Variants in EMCN observed in about 807,000 individuals in gnomAD.
EMCN encodes endomucin.
EMCN carries 37 observed loss-of-function variants against 38.4 expected under a neutral mutation model. The observed-to-expected ratio is 0.96, with a 90% CI of 0.74 to 1.27. EMCN has a LOEUF of 1.27. Ranked by LOEUF, EMCN falls within the 50% of genes most tolerant of loss-of-function variation. The pLI is 0.00. For missense variants in EMCN, 318 were observed against 302.8 expected (o/e 1.05, Z -0.37); for synonymous variants, 95 against 100.8 (o/e 0.94, Z 0.35).
intron 11 of EMCN, among the ~76,000 whole-genome samples, chr4:100,406,911 A>G (rs1051197260): frequency 2.6e-5 from 4 of 152,132 alleles, no homozygotes; most frequent in Admixed American, 2.0e-4. Flanking sequence ...CAGGTGCTGT[A>G]GTATTGGGTG....
At position 100,415,937 on chromosome 4, in the gene EMCN, C is replaced by T. The variant is rs368504697; in HGVS notation, c.712G>A (p.Val238Met). 39 of 1,589,442 alleles carry T rather than the reference C, an allele frequency of 2.5e-5. No individual in the cohort carries two copies. Among genetic ancestry groups the T allele is most frequent in the South Asian group, 5.8e-5 (5 of 85,944 alleles). ...NDQPQSDKES[V>M]KLLTVKTISH... Reference sequence around the variant, plus strand: ...ATTGTCTTAACGGTAAGAAGCTTCACGCTCTCTTTATCAGACTGAGGTCTA... The same window carrying T: ...ATTGTCTTAACGGTAAGAAGCTTCATGCTCTCTTTATCAGACTGAGGTCTA... The change falls in exon 10 of 12, where the codon GTG becomes ATG. Residue 238 changes from valine to methionine, a missense_variant. Transcript: ENST00000296420.
rs1726107276 is a variant in EMCN at position 100,395,907 on chromosome 4, C to T, written c.*2506G>A. The T allele has an allele frequency of 6.6e-6, 1 of 152,082 alleles. No individual in the cohort carries two copies. The highest frequency in any genetic ancestry group is 1.5e-5 in the Non-Finnish European group (1 of 68,008). The allele number at this position is 152,082 out of a possible 1,614,324, so 9.4% of individuals were successfully genotyped here. ...TGTTTATGTTTTGACTATTGATAGA[C>T]TTAAATTATATTCATATTATTATGC... On this transcript the variant is annotated 3_prime_UTR_variant, in exon 12 of 12. Coordinates refer to ENST00000296420, the MANE Select transcript of EMCN (RefSeq NM_016242.4).
At chr4:100,447,381 A>G in intron 5 of EMCN, 152 bp downstream of exon 5, 2 of 610,052 alleles carry the variant, frequency 3.3e-6, no homozygotes, top group Non-Finnish European at 5.7e-6. Context: ...GCATTTTTTT[A>G]AACTCAAGTT....
In EMCN at chr4:100,421,367, C is replaced by CA. The variant is rs1172667145; in HGVS notation, c.578dup (p.Leu193PhefsTer37). 6.2e-7 allele frequency: 1 copy of CA among 1,611,724 alleles called. No individual in the cohort carries two copies. The highest frequency in any genetic ancestry group is 8.5e-7 in the Non-Finnish European group (1 of 1,178,338). ...TTACAATCAAAGCAATAACCACCGG[C>CA]AAAATAATACCTAAAAAGAATTGGA... is the stretch of plus-strand genomic sequence containing the variant. On this transcript the variant is annotated frameshift_variant, in exon 8 of 12. Coordinates refer to ENST00000296420, the MANE Select transcript of EMCN (RefSeq NM_016242.4). LOFTEE classifies it high-confidence loss of function.
At chr4:100,469,717 T>C (rs1728421711) in intron 3 of EMCN, among the ~76,000 whole-genome samples, 1 of 152,066 alleles carries the variant, frequency 6.6e-6, no homozygotes, top group African/African-American at 2.4e-5. Context: ...TTTTGGCAGC[T>C]TTGTTGAAGA....
rs1171198619 is a variant in EMCN, at chr4:100,469,627, C to A, written c.260-4088G>T. 4.6e-5 allele frequency among the ~76,000 whole-genome samples: 7 copies of A among 150,950 alleles called. 1 individual carries two copies. The highest frequency in any genetic ancestry group is 1.5e-4 in the African/African-American group (6 of 41,312). On this transcript the variant is annotated intron_variant, in intron 3 of 11. Coordinates refer to ENST00000296420, the MANE Select transcript of EMCN (RefSeq NM_016242.4). ...TTGAATATGGTGTAAAGAAGGGGTA[C>A]AGTTTTAATCTTCTGCATATGGCTA... is the stretch of plus-strand genomic sequence containing the variant.
intron 1 of EMCN, among the ~76,000 whole-genome samples, chr4:100,484,392 T>G (rs139706514): frequency 9.9e-5 from 15 of 152,278 alleles, no homozygotes; most frequent in African/African-American, 3.1e-4. Flanking sequence ...GTAATTATAT[T>G]TTTAGATAAT....
At chr4:100,480,215 G>T (rs1728770280) in intron 1 of EMCN, among the ~76,000 whole-genome samples, 176 bp from the exon 2 acceptor site, 1 of 151,990 alleles carries the variant, frequency 6.6e-6, no homozygotes, top group Non-Finnish European at 1.5e-5. Context: ...CTTCTCCCCA[G>T]TGGCATGAAT....
At chr4:100,506,186 TA>T (rs1253372030) in intron 1 of EMCN, among the ~76,000 whole-genome samples, 2 of 152,192 alleles carry the variant, frequency 1.3e-5, no homozygotes, top group South Asian at 2.1e-4. Context: ...AACATTTTAA[TA>T]AAAGCAATCA....
chr4:100,416,011 G>T, intron 9 of EMCN, 52 bp from the exon 10 acceptor site: 1 of 1,175,448 alleles, frequency 8.5e-7, no homozygotes, highest in Non-Finnish European at 1.2e-6. Context: ...AGCATTGTAT[G>T]TTTGTGAAAG....
At chr4:100,497,889 G>A (rs1487299282) in intron 1 of EMCN, among the ~76,000 whole-genome samples, 6 of 152,154 alleles carry the variant, frequency 3.9e-5, no homozygotes, top group Non-Finnish European at 8.8e-5. Context: ...CAGGAAAGAT[G>A]TAAAACCAAA....
At chr4:100,431,347 C>G (rs1380245180) in intron 5 of EMCN, among the ~76,000 whole-genome samples, 2 of 152,152 alleles carry the variant, frequency 1.3e-5, no homozygotes, top group South Asian at 2.1e-4. Flanking sequence ...TTTGGTCAAG[C>G]ATTGTTGTGA....
At chr4:100,429,271 T>G (rs1248899972) in intron 5 of EMCN, among the ~76,000 whole-genome samples, 4 of 152,088 alleles carry the variant, frequency 2.6e-5, no homozygotes, top group Admixed American at 6.6e-5. Context: ...GAAACATGAG[T>G]GGTATAGACA....
chr4:100,400,468 T>C (rs1194204736), intron 11 of EMCN, among the ~76,000 whole-genome samples: 2 of 152,096 alleles, frequency 1.3e-5, no homozygotes, highest in Admixed American at 6.6e-5. Context: ...TACATAACAC[T>C]ATGTTATCAT....
chr4:100,493,253 C>T (rs1560639447), intron 1 of EMCN, among the ~76,000 whole-genome samples: 1 of 152,168 alleles, frequency 6.6e-6, no homozygotes. Flanking sequence ...ATTTTGTCAA[C>T]TTTGATGACC....
chr4:100,434,665 A>C (rs1346309685), intron 5 of EMCN, among the ~76,000 whole-genome samples: 1 of 152,176 alleles, frequency 6.6e-6, no homozygotes, highest in Non-Finnish European at 1.5e-5. Flanking sequence ...CACATCAAAA[A>C]GCTTATCCAC....
chr4:100,434,176 T>C (rs1204054432), intron 5 of EMCN, among the ~76,000 whole-genome samples: 1 of 151,750 alleles, frequency 6.6e-6, no homozygotes, highest in Non-Finnish European at 1.5e-5. Flanking sequence ...AAATCAGAAA[T>C]GATAAGGGGG....
At chr4:100,424,314 CCTCTT>C in intron 5 of EMCN, among the ~76,000 whole-genome samples, 3 of 152,046 alleles carry the variant, frequency 2.0e-5, no homozygotes, top group African/African-American at 7.2e-5. Context: ...GTTTGCCTTG[CCTCTT>C]CACTGAATTG....
intron 7 of EMCN, among the ~76,000 whole-genome samples, 198 bp downstream of exon 7, chr4:100,422,817 CTTTTCT>C (rs1726926854): frequency 8.3e-6 from 1 of 120,320 alleles, no homozygotes; most frequent in Admixed American, 9.5e-5. Context: ...TTCTTTCTTT[CTTTTCT>C]TTTTTTTTTT....
Sources: allele counts gnomAD v4.1 joint callset (sites outside exome capture counted in the v4.1 genomes callset), GRCh38; gene constraint gnomAD v4.1.1; transcripts MANE v1.5; gene names NCBI Gene and HGNC (gene_info 2026-07-23, HGNC 2026-07-21).